Variants in TMEM14C observed in about 807,000 individuals in gnomAD.
The protein encoded by TMEM14C is transmembrane protein 14C.
A neutral mutation model predicts 14.8 loss-of-function variants in TMEM14C; 13 were observed. The ratio of observed to expected loss-of-function variants is 0.88; its 90% CI spans 0.57 to 1.40. TMEM14C has a LOEUF of 1.40. TMEM14C is among the 40% of genes most tolerant of loss of function. The pLI is 0.00. For synonymous variants in TMEM14C, 57 were observed against 51.3 expected (o/e 1.11, Z -0.48); for missense variants, 142 against 138.8 (o/e 1.02, Z -0.12).
chr6:10,725,808 C>A, intron 3 of TMEM14C, 99 bp from the exon 4 acceptor site: 1 of 1,455,856 alleles, frequency 6.9e-7, no homozygotes, highest in South Asian at 1.2e-5. Flanking sequence ...GTTGAGAGTT[C>A]TCTGTGCTGT....
At chr6:10,726,253 T>C (rs975452997) in intron 4 of TMEM14C, among the ~76,000 whole-genome samples, 2 of 152,204 alleles carry the variant, frequency 1.3e-5, no homozygotes, top group African/African-American at 4.8e-5. Context: ...ATTTACCCAG[T>C]AGCATTAAAA....
chr6:10,726,663 C>G (rs1235198252), intron 4 of TMEM14C, among the ~76,000 whole-genome samples: 1 of 152,190 alleles, frequency 6.6e-6, no homozygotes, highest in Non-Finnish European at 1.5e-5. Flanking sequence ...TGCACTCCAG[C>G]CTGGGCGACA....
At chr6:10,724,002 A>AAGGGTGT (rs1321272009) in intron 1 of TMEM14C, among the ~76,000 whole-genome samples, 1 of 152,176 alleles carries the variant, frequency 6.6e-6, no homozygotes, top group Non-Finnish European at 1.5e-5. Flanking sequence ...CTGTTTTTCC[A>AAGGGTGT]AGGGTGTAGT....
chr6:10,730,910 G>C lies in TMEM14C; in HGVS notation c.*244G>C, dbSNP rs1046218. ...AGCTTGATTCTTGTATATTGATGTT[G>C]TCTTTTCTTTCTGTATCTGTAGGTA... On this transcript the variant is annotated 3_prime_UTR_variant, in exon 6 of 6. Coordinates refer to ENST00000229563, the MANE Select transcript of TMEM14C (RefSeq NM_016462.4). 1 of 1,137,150 alleles carries C rather than the reference G, an allele frequency of 8.8e-7. No homozygotes were observed. The highest frequency in any genetic ancestry group is 1.1e-6 in the Non-Finnish European group (1 of 926,860). The allele number at this position is 1,137,150 out of a possible 1,614,324, so 70.4% of individuals were successfully genotyped here.
At chr6:10,727,467 G>A (rs1017576582) in intron 4 of TMEM14C, among the ~76,000 whole-genome samples, 56 of 151,418 alleles carry the variant, frequency 3.7e-4, no homozygotes, top group African/African-American at 1.3e-3. Context: ...AGCCTTCTAG[G>A]TAGCTGGGAT....
intron 2 of TMEM14C, 29 bp from the exon 3 acceptor site, chr6:10,724,932 G>C: frequency 6.2e-7 from 1 of 1,613,634 alleles, no homozygotes; most frequent in Non-Finnish European, 8.5e-7. Context: ...AGCCAGGTTA[G>C]CACTGACTTC....
chr6:10,727,972 C>T (rs1032958333), intron 4 of TMEM14C, among the ~76,000 whole-genome samples: 2 of 152,202 alleles, frequency 1.3e-5, no homozygotes, highest in African/African-American at 4.8e-5. Flanking sequence ...CAAACTGCAT[C>T]TTGACTTCTG....
intron 5 of TMEM14C, 91 bp from the exon 6 acceptor site, chr6:10,730,524 G>T: frequency 1.6e-6 from 2 of 1,290,026 alleles, no homozygotes; most frequent in Non-Finnish European, 1.1e-6. Flanking sequence ...CCCCCACGCA[G>T]TTGTGAGGAA....
At chr6:10,726,043 T>A in intron 4 of TMEM14C, 35 bp downstream of exon 4, 1 of 1,612,306 alleles carries the variant, frequency 6.2e-7, no homozygotes, top group Non-Finnish European at 8.5e-7. Context: ...AGGGCAGCTA[T>A]GTATCCAGAA....
intron 2 of TMEM14C, 22 bp downstream of exon 2, chr6:10,724,655 G>C (rs1770803190): frequency 6.2e-7 from 1 of 1,609,914 alleles, no homozygotes; most frequent in Non-Finnish European, 8.5e-7. Context: ...AAATGGGTAT[G>C]GAGTAGCCAG....
Position 10,724,653 on chromosome 6 carries a change from A to G in TMEM14C, c.20+20A>G, listed in dbSNP as rs1235848767. The stretch of plus-strand genomic sequence containing the variant: ...CTCAGTGTGAGTGCAGTAAATGGGT[A>G]TGGAGTAGCCAGGAGCTTCTGGAAA... On this transcript the variant is annotated intron_variant, in intron 2 of 5. Transcript: ENST00000229563. 15 of 1,610,908 alleles carry G rather than the reference A, an allele frequency of 9.3e-6. No individual in the cohort carries two copies. Among genetic ancestry groups the G allele is most frequent in the Admixed American group, 1.7e-5 (1 of 59,268 alleles).
intron 4 of TMEM14C, 76 bp from the exon 5 acceptor site, chr6:10,728,564 G>A: frequency 6.8e-7 from 1 of 1,475,022 alleles, no homozygotes; most frequent in South Asian, 1.2e-5. Flanking sequence ...GAGATGGGTG[G>A]GGCTTGGCCC....
chr6:10,725,011 G>T lies in TMEM14C; in HGVS notation c.71G>T (p.Gly24Val). The change falls in exon 3 of 6, where the codon GGT (glycine) becomes GTT (valine). Residue 24 changes from glycine (G) to valine (V), a missense_variant. By Grantham distance (109) the Gly-to-Val change is moderately radical (BLOSUM62 -3). Coordinates refer to ENST00000229563, the MANE Select transcript of TMEM14C (RefSeq NM_016462.4). The stretch of plus-strand genomic sequence containing the variant: ...GGCTACGCAGCACTGGTTGCTTCTG[G>T]TGGGATCATTGGCTATGTAAAAGCA... ...GFGYAALVAS[G>V]GIIGYVKAGS... The T allele has an allele frequency of 6.2e-7, 1 of 1,614,206 alleles. No individual in the cohort carries two copies. Among genetic ancestry groups the T allele is most frequent in the African/African-American group, 1.3e-5 (1 of 75,030 alleles).
In TMEM14C at chr6:10,723,242, G is replaced by C. The variant is rs940399238; in HGVS notation, c.-45+1G>C. On this transcript the variant is annotated splice_donor_variant, in intron 1 of 5. Coordinates refer to ENST00000229563, the MANE Select transcript of TMEM14C (RefSeq NM_016462.4). LOFTEE classifies it low-confidence loss of function (5UTR_SPLICE). ...GACAGCCGGGGCCTTCGTGAGACCG[G>C]TGCGAGTATTTGGGGATTATTCTTA... 6 of 152,296 alleles carry C rather than the reference G, an allele frequency of 3.9e-5. No homozygotes were observed. The highest frequency in any genetic ancestry group is 8.8e-5 in the Non-Finnish European group (6 of 68,068). The allele number at this position is 152,296 out of a possible 1,614,324, so 9.4% of individuals were successfully genotyped here.
At chr6:10,727,167 C>T (rs577639609) in intron 4 of TMEM14C, among the ~76,000 whole-genome samples, 1 of 152,120 alleles carries the variant, frequency 6.6e-6, no homozygotes, top group African/African-American at 2.4e-5. Flanking sequence ...CCAAGCCTCC[C>T]CTCGTCCTGT....
At chr6:10,724,351 T>G in intron 1 of TMEM14C, 1 of 465,350 alleles carries the variant, frequency 2.1e-6, no homozygotes, top group Non-Finnish European at 3.8e-6. Flanking sequence ...ATGACAATGG[T>G]CAGCATCTGT....
At position 10,730,778 on chromosome 6, in the gene TMEM14C, T is replaced by TA. The variant is rs540677149; in HGVS notation, c.*121dup. On this transcript the variant is annotated 3_prime_UTR_variant, in exon 6 of 6. Transcript: ENST00000229563. ...GCATTTTTGCATCTGACATTTTACCTAAAAAAAAAGACACCAAACTTGGCA... is the reference window on the plus strand; with the variant it reads ...GCATTTTTGCATCTGACATTTTACCTAAAAAAAAAAGACACCAAACTTGGCA... 2,266 of 1,372,562 alleles carry TA rather than the reference T, an allele frequency of 1.7e-3. 4 individuals carry two copies. Among genetic ancestry groups the TA allele is most frequent in the South Asian group, 2.5e-3 (143 of 58,304 alleles). The allele number at this position is 1,372,562 out of a possible 1,614,324, so 85.0% of individuals were successfully genotyped here.
intron 5 of TMEM14C, among the ~76,000 whole-genome samples, chr6:10,729,872 C>T (rs577278195): frequency 1.3e-5 from 2 of 152,190 alleles, no homozygotes; most frequent in South Asian, 2.1e-4. Flanking sequence ...CCAGAGCGGG[C>T]GGATCACTTG....
chr6:10,728,074 C>T (rs1770920299), intron 4 of TMEM14C, among the ~76,000 whole-genome samples: 1 of 152,204 alleles, frequency 6.6e-6, no homozygotes, highest in African/African-American at 2.4e-5. Flanking sequence ...AATGGGCCTT[C>T]CCATCCTTCA....
Sources: allele counts gnomAD v4.1 joint callset (sites outside exome capture counted in the v4.1 genomes callset), GRCh38; gene constraint gnomAD v4.1.1; transcripts MANE v1.5; gene names NCBI Gene and HGNC (gene_info 2026-07-23, HGNC 2026-07-21).